The following MYH10 variants were observed in gnomAD, a reference collection of about 807,000 sequenced individuals.
MYH10 encodes the protein myosin heavy chain 10.
MYH10 carries 55 observed loss-of-function variants against 257.8 expected under a neutral mutation model. The ratio of observed to expected loss-of-function variants is 0.21; its 90% CI spans 0.17 to 0.27. The LOEUF (loss-of-function observed/expected upper bound fraction) is 0.27, where lower values mean the gene tolerates loss of function less well. MYH10 is among the 10% of genes least tolerant of loss of function. The pLI is 1.00. For synonymous variants in MYH10, 854 were observed against 921.7 expected (o/e 0.93, Z 1.33); for missense variants, 1,631 against 2,500.6 (o/e 0.65, Z 7.42).
At chr17:8,564,513 A>G (rs536574195) in intron 7 of MYH10, among the ~76,000 whole-genome samples, 4 of 152,178 alleles carry the variant, frequency 2.6e-5, no homozygotes, top group Admixed American at 6.5e-5. Context: ...GATCTAGCAT[A>G]TGCACTACCT....
intron 21 of MYH10, among the ~76,000 whole-genome samples, chr17:8,515,431 G>T (rs1367912973): frequency 6.6e-6 from 1 of 150,954 alleles, no homozygotes; most frequent in Non-Finnish European, 1.5e-5. Flanking sequence ...CTCCTTGCTG[G>T]TTAGAATTTT....
chr17:8,478,500 GAA>G, intron 40 of MYH10, 54 bp from the exon 41 acceptor site: 1 of 1,545,728 alleles, frequency 6.5e-7, no homozygotes, highest in Non-Finnish European at 8.9e-7. Context: ...TTTTGTGTGG[GAA>G]AAAATATTTT....
intron 3 of MYH10, among the ~76,000 whole-genome samples, chr17:8,603,269 TA>T (rs2084677704): frequency 6.6e-6 from 1 of 152,206 alleles, no homozygotes; most frequent in Admixed American, 6.5e-5. Flanking sequence ...ATAAAAATAT[TA>T]AAAGGGGGCA....
In MYH10 at chr17:8,577,233, T is replaced by C; in HGVS notation, c.633+3A>G. The stretch of plus-strand genomic sequence containing the variant: ...TTTAAAAAACAACAGAGCAGAAACT[T>C]ACAGGAATATTATGGTCCTTTCTTC... On this transcript the variant is annotated splice_donor_region_variant and intron_variant, in intron 5 of 42. Transcript: ENST00000360416. 5 of 1,595,182 alleles carry C rather than the reference T, an allele frequency of 3.1e-6. No homozygotes were observed. Among genetic ancestry groups the C allele is most frequent in the Non-Finnish European group, 4.3e-6 (5 of 1,166,868 alleles).
chr17:8,577,511 G>C (rs978284643), intron 4 of MYH10, among the ~76,000 whole-genome samples, 173 bp from the exon 5 acceptor site: 2 of 152,124 alleles, frequency 1.3e-5, no homozygotes, highest in African/African-American at 2.4e-5. Context: ...CTTGTAAGAG[G>C]TATTAAATAA....
chr17:8,481,683 A>G (rs1913845767), intron 37 of MYH10, among the ~76,000 whole-genome samples: 1 of 152,244 alleles, frequency 6.6e-6, no homozygotes, highest in Non-Finnish European at 1.5e-5. Flanking sequence ...AGAGGTGGCT[A>G]TGTTCCTGCC....
intron 2 of MYH10, among the ~76,000 whole-genome samples, chr17:8,620,059 G>A (rs1013868624): frequency 4.6e-5 from 7 of 152,114 alleles, no homozygotes; most frequent in African/African-American, 1.7e-4. Flanking sequence ...AAAGTAGCAA[G>A]GCTATGGAAG....
intron 21 of MYH10, among the ~76,000 whole-genome samples, chr17:8,518,002 C>T (rs1022057655): frequency 1.2e-4 from 18 of 149,122 alleles, no homozygotes; most frequent in African/African-American, 4.2e-4. Context: ...TGAGCTGAAG[C>T]AGGACCCCAT....
At chr17:8,566,228 A>G (rs2083163200) in intron 7 of MYH10, among the ~76,000 whole-genome samples, 1 of 152,194 alleles carries the variant, frequency 6.6e-6, no homozygotes, top group Admixed American at 6.5e-5. Flanking sequence ...CCCTACATAC[A>G]TCAATGATGG....
chr17:8,557,810 A>G (rs1328784518), intron 7 of MYH10, among the ~76,000 whole-genome samples: 1 of 152,248 alleles, frequency 6.6e-6, no homozygotes, highest in East Asian at 1.9e-4. Flanking sequence ...TACTCTGGAC[A>G]TGAGTCTAAC....
intron 30 of MYH10, among the ~76,000 whole-genome samples, chr17:8,498,428 G>A (rs1224614680): frequency 6.6e-6 from 1 of 152,166 alleles, no homozygotes; most frequent in Non-Finnish European, 1.5e-5. Context: ...CATTCTTGAA[G>A]TTGACTCTGT....
chr17:8,557,806 G>A (rs1445593544), intron 7 of MYH10, among the ~76,000 whole-genome samples: 1 of 152,152 alleles, frequency 6.6e-6, no homozygotes, highest in Non-Finnish European at 1.5e-5. Context: ...ATATTACTCT[G>A]GACATGAGTC....
chr17:8,511,043 T>TAC (rs1567823346), intron 24 of MYH10: 1 of 8,196 alleles, frequency 1.2e-4, no homozygotes, highest in African/African-American at 1.8e-4. Flanking sequence ...TATATATATA[T>TAC]ATATATATAT....
At position 8,575,552 on chromosome 17, in the gene MYH10, TACA is replaced by T. The variant is rs1181297969; in HGVS notation, c.663+1088_663+1090del. 6.2e-3 allele frequency among the ~76,000 whole-genome samples: 938 copies of T among 152,274 alleles called. 10 individuals are homozygous for T. The highest frequency in any genetic ancestry group is 0.022 in the African/African-American group (905 of 41,538). On this transcript the variant is annotated intron_variant, in intron 6 of 42. Coordinates refer to ENST00000360416, the MANE Select transcript of MYH10 (RefSeq NM_001256012.3). Reference sequence around the variant, plus strand: ...AAAGGACATCATAGGCCTTCATAGGTACAGTACAGCTTGGGTGGCTGGCAATCT... The same window carrying T: ...AAAGGACATCATAGGCCTTCATAGGTGTACAGCTTGGGTGGCTGGCAATCT...
At position 8,504,565 on chromosome 17, in the gene MYH10, C is replaced by T. The variant is rs1321659185; in HGVS notation, c.3599+129G>A. 5.2e-6 allele frequency: 4 copies of T among 765,106 alleles called. No homozygotes were observed. The highest frequency in any genetic ancestry group is 2.6e-5 in the Admixed American group (1 of 38,174). The allele number at this position is 765,106 out of a possible 1,614,324, so 47.4% of individuals were successfully genotyped here. ...GTTTCTAACCATTACCATTTAATCA[C>T]CGTTCCACCTGCCATCACAAGGAAA... On this transcript the variant is annotated intron_variant, in intron 28 of 42. Transcript: ENST00000360416. The surrounding 1 kb of genome is among the most constrained non-coding windows in gnomAD (Gnocchi z 5.6).
At chr17:8,629,844 G>A (rs1004720179) in intron 1 of MYH10, among the ~76,000 whole-genome samples, 8 of 151,500 alleles carry the variant, frequency 5.3e-5, no homozygotes, top group Non-Finnish European at 8.8e-5. Context: ...CGGCCTAGGC[G>A]CTCCACGGAG....
intron 1 of MYH10, among the ~76,000 whole-genome samples, chr17:8,628,133 T>C (rs528992168): frequency 6.6e-6 from 1 of 152,358 alleles, no homozygotes; most frequent in South Asian, 2.1e-4. Context: ...GTTTTATATA[T>C]TTTATAGAAA....
At chr17:8,489,362 G>T (rs1313656813) in intron 35 of MYH10, among the ~76,000 whole-genome samples, 1 of 152,164 alleles carries the variant, frequency 6.6e-6, no homozygotes, top group East Asian at 1.9e-4. Context: ...AGCAATAAAT[G>T]ATCAATAATT....
intron 21 of MYH10, among the ~76,000 whole-genome samples, chr17:8,515,201 CAGG>C: frequency 6.6e-6 from 1 of 152,136 alleles, no homozygotes; most frequent in African/African-American, 2.4e-5. Flanking sequence ...TAACGGCTTG[CAGG>C]AGTAGCTATA....
Sources: gnomAD v4.1 joint callset for allele counts (sites outside exome capture counted in the v4.1 genomes callset) on GRCh38, gnomAD v4.1.1 for gene constraint, Gnocchi (gnomAD v3.1) non-coding constraint, MANE v1.5 for transcripts, NCBI Gene and HGNC (gene_info 2026-07-23, HGNC 2026-07-21) for gene names.